The following ATP8B1 variants were observed in gnomAD, a reference collection of about 807,000 sequenced individuals.
ATP8B1 encodes ATPase phospholipid transporting 8B1.
ATP8B1 carries 80 observed loss-of-function variants against 149.9 expected under a neutral mutation model. The observed-to-expected ratio is 0.53, with a 90% confidence interval of 0.45 to 0.64. The LOEUF is 0.64. Ranked by LOEUF, ATP8B1 falls within the 30% of genes least tolerant of loss-of-function variation. The probability of loss-of-function intolerance (pLI) is 0.00; values close to 1 mark genes in which losing one functional copy is unlikely to be tolerated. For synonymous variants in ATP8B1, 536 were observed against 562.8 expected, an observed-to-expected ratio of 0.95 and a Z score of 0.67; for missense variants, 1,247 against 1,552.6, an observed-to-expected ratio of 0.80 and a Z score of 3.31.
At chr18:57,766,660 T>A (rs964542010) in intron 1 of ATP8B1, among the ~76,000 whole-genome samples, 14 of 152,276 alleles carry the variant, frequency 9.2e-5, no homozygotes, top group African/African-American at 3.1e-4. Context: ...TGGGCTGGGG[T>A]CCAAGACTCT....
chr18:57,660,975 AC>A (rs1469202264), intron 22 of ATP8B1, among the ~76,000 whole-genome samples, 198 bp downstream of exon 22: 1 of 151,970 alleles, frequency 6.6e-6, no homozygotes, highest in African/African-American at 2.4e-5. Context: ...TGTCAGTGAT[AC>A]TCTTTCCTCC....
chr18:57,690,374 A>G (rs1008383502), intron 12 of ATP8B1, among the ~76,000 whole-genome samples: 3 of 152,204 alleles, frequency 2.0e-5, no homozygotes, highest in Non-Finnish European at 4.4e-5. Flanking sequence ...TTTATTCTGA[A>G]TGAGGTTTGA....
intron 1 of ATP8B1, chr18:57,732,125 ATGTGTATATGTATATATG>A (rs1568043879): frequency 0.081 from 1,372 of 16,950 alleles, 184 homozygotes; most frequent in Non-Finnish European, 0.1. Flanking sequence ...ATGTATATAT[ATGTGTATATGTATATATG>A]TGTATATATG....
At chr18:57,736,797 C>T (rs1448570438) in intron 1 of ATP8B1, among the ~76,000 whole-genome samples, 1 of 151,916 alleles carries the variant, frequency 6.6e-6, no homozygotes, top group African/African-American at 2.4e-5. Context: ...TGGTGAGAGA[C>T]AGGGGCCCAG....
chr18:57,702,829 C>G (rs1913195931), intron 4 of ATP8B1, among the ~76,000 whole-genome samples: 1 of 148,758 alleles, frequency 6.7e-6, no homozygotes, highest in Non-Finnish European at 1.5e-5. Flanking sequence ...TGCACTCCAG[C>G]CTTGATAACA....
chr18:57,649,098 A>T (rs1288539378), intron 27 of ATP8B1, among the ~76,000 whole-genome samples: 3 of 151,806 alleles, frequency 2.0e-5, no homozygotes, highest in African/African-American at 7.3e-5. Context: ...GAATTTCACC[A>T]TGTTGGCCAG....
At chr18:57,800,726 C>A (rs1384102616) in intron 1 of ATP8B1, among the ~76,000 whole-genome samples, 1 of 152,160 alleles carries the variant, frequency 6.6e-6, no homozygotes, top group African/African-American at 2.4e-5. Flanking sequence ...CTCAACAGAG[C>A]AGCAAACAGA....
chr18:57,647,553 A>G lies in ATP8B1; in HGVS notation c.*935T>C, dbSNP rs1909252119. On this transcript the variant is annotated 3_prime_UTR_variant, in exon 28 of 28. Transcript: ENST00000648908. ...TTAATAAGATGGCCTATAGGGAGGA[A>G]AAAGGGGCCTCTGGGAAATTATGCT... 6.6e-6 allele frequency: 1 copy of G among 152,550 alleles called. No individual in the cohort carries two copies. The highest frequency in any genetic ancestry group is 2.4e-5 in the African/African-American group (1 of 41,450). The allele number at this position is 152,550 out of a possible 1,614,324, so 9.4% of individuals were successfully genotyped here.
In ATP8B1 at chr18:57,669,372, G is replaced by A. The variant is rs778070255; in HGVS notation, c.2043C>T (p.Thr681=). ...CTTTATCCAGAGCTTCGTCCCGGTT[G>A]GTGGAGGCCACACTGGCAGCCATAA... ...KKFMAASVAS[T]NRDEALDKVY... is the part of the protein sequence containing the mutation. The change falls in exon 18 of 28, where the codon ACC becomes ACT. Residue 681 remains threonine (T), a synonymous_variant. Coordinates refer to ENST00000648908, the MANE Select transcript of ATP8B1 (RefSeq NM_001374385.1). 1.2e-6 allele frequency: 2 copies of A among 1,613,810 alleles called. No individual in the cohort carries two copies. Among genetic ancestry groups the A allele is most frequent in the Admixed American group, 3.3e-5 (2 of 59,962 alleles).
intron 2 of ATP8B1, among the ~76,000 whole-genome samples, chr18:57,719,699 G>A (rs1047004881): frequency 6.6e-6 from 1 of 152,220 alleles, no homozygotes; most frequent in African/African-American, 2.4e-5. Context: ...GCCCGCCATT[G>A]CCCAGGCTTG....
rs1913296439 is a variant in ATP8B1 at position 57,704,645 on chromosome 18, C to T, written c.303G>A (p.Lys101=). The change falls in exon 4 of 28, where the codon AAG becomes AAA. Residue 101 remains lysine, a synonymous_variant. Coordinates refer to ENST00000648908, the MANE Select transcript of ATP8B1 (RefSeq NM_001374385.1). ...KYANNAIKTY[K]YNAFTFIPMN... is the part of the protein sequence containing the mutation. ...TTGGTATAAAGGTAAATGCGTTGTA[C>T]TTGTATGTTTTAATTGCATTATTCT... 1.2e-6 allele frequency: 2 copies of T among 1,607,682 alleles called. No homozygotes were observed. Among genetic ancestry groups the T allele is most frequent in the Non-Finnish European group, 8.5e-7 (1 of 1,174,184 alleles).
intron 2 of ATP8B1, among the ~76,000 whole-genome samples, chr18:57,710,901 C>T (rs1021533908): frequency 6.6e-6 from 1 of 152,162 alleles, no homozygotes; most frequent in Non-Finnish European, 1.5e-5. Flanking sequence ...TCCCAAAGTG[C>T]CGGGATAATG....
chr18:57,687,731 C>T (rs1053441241), intron 13 of ATP8B1, among the ~76,000 whole-genome samples: 1 of 150,892 alleles, frequency 6.6e-6, no homozygotes, highest in Non-Finnish European at 1.5e-5. Flanking sequence ...GAGTATATAA[C>T]CTGAAGTGGA....
In ATP8B1 at chr18:57,695,294, C is replaced by G; in HGVS notation, c.817G>C (p.Asp273His). ...CAAAATAGTGTTCCTGTAAACTTAT[C>G]TAGTCTGTTATTGGGTTCTTCACAT... ...IECEEPNNRL[D>H]KFTGTLFWRN... Residue 273 changes from aspartate (D) to histidine (H), a missense_variant, in exon 10 of 28, where the codon GAT becomes CAT. By Grantham distance (81) the Asp-to-His change is moderately conservative. Transcript: ENST00000648908. 6.2e-7 allele frequency: 1 copy of G among 1,609,672 alleles called. No individual in the cohort carries two copies. The highest frequency in any genetic ancestry group is 8.5e-7 in the Non-Finnish European group (1 of 1,175,958).
chr18:57,732,962 A>ATTT (rs2079804200), intron 1 of ATP8B1, among the ~76,000 whole-genome samples: 1 of 152,134 alleles, frequency 6.6e-6, no homozygotes, highest in Admixed American at 6.6e-5. Context: ...CTGATACAAC[A>ATTT]TTTTTAATAT....
At chr18:57,761,537 T>G (rs2080158427) in intron 1 of ATP8B1, among the ~76,000 whole-genome samples, 1 of 152,156 alleles carries the variant, frequency 6.6e-6, no homozygotes, top group Admixed American at 6.5e-5. Context: ...CTGAACCCAA[T>G]CTACTGAACC....
intron 2 of ATP8B1, among the ~76,000 whole-genome samples, chr18:57,708,080 C>T (rs575754725): frequency 6.8e-6 from 1 of 148,142 alleles, no homozygotes; most frequent in Admixed American, 6.9e-5. Flanking sequence ...ATCTCTTGAA[C>T]CTGGGAGGCA....
chr18:57,732,402 G>T (rs941836531), intron 1 of ATP8B1, among the ~76,000 whole-genome samples: 1 of 149,154 alleles, frequency 6.7e-6, no homozygotes, highest in Non-Finnish European at 1.5e-5. Context: ...AAATTAGGGG[G>T]TCTCAATGAA....
intron 15 of ATP8B1, among the ~76,000 whole-genome samples, chr18:57,677,579 CAG>C (rs1329388904): frequency 6.6e-6 from 1 of 152,102 alleles, no homozygotes; most frequent in Non-Finnish European, 1.5e-5. Context: ...ACAATTGGCT[CAG>C]AGGATTCACT....
Sources: gnomAD v4.1 joint callset for allele counts (sites outside exome capture counted in the v4.1 genomes callset) on GRCh38, gnomAD v4.1.1 for gene constraint, MANE v1.5 for transcripts, NCBI Gene and HGNC (gene_info 2026-07-23, HGNC 2026-07-21) for gene names.